The following RARB variants were observed in gnomAD, a reference collection of about 807,000 sequenced individuals.
RARB encodes the protein HBV-activated protein.
Under a neutral mutation model 51.9 loss-of-function variants are expected in RARB, and 17 were observed. The observed-to-expected ratio is 0.33, with a 90% CI of 0.22 to 0.49. The LOEUF (loss-of-function observed/expected upper bound fraction) is 0.49, where lower values mean the gene tolerates loss of function less well. RARB is among the 20% of genes least tolerant of loss of function. RARB has a pLI of 0.99. For synonymous variants in RARB, 215 were observed against 195.4 expected, an observed-to-expected ratio of 1.10 and a Z score of -0.84; for missense variants, 369 against 550.8, an observed-to-expected ratio of 0.67 and a Z score of 3.30.
chr3:25,183,686 T>A (rs952067116), intron 5 of RARB, among the ~76,000 whole-genome samples: 1 of 152,170 alleles, frequency 6.6e-6, no homozygotes, highest in Admixed American at 6.5e-5. Context: ...TCTTTAGGAT[T>A]TGTATACTAT....
At chr3:25,272,511 C>G (rs1703278684) in intron 5 of RARB, among the ~76,000 whole-genome samples, 1 of 152,228 alleles carries the variant, frequency 6.6e-6, no homozygotes, top group Admixed American at 6.5e-5. Flanking sequence ...GTTCCTACAT[C>G]ACTCAGGTAT....
At chr3:25,175,629 G>C (rs1434533591) in intron 5 of RARB, among the ~76,000 whole-genome samples, 2 of 152,206 alleles carry the variant, frequency 1.3e-5, no homozygotes, top group African/African-American at 4.8e-5. Context: ...TAGGGGATGG[G>C]TGTTTGGATG....
chr3:25,193,405 G>A (rs1344496915), intron 5 of RARB, among the ~76,000 whole-genome samples: 1 of 151,964 alleles, frequency 6.6e-6, no homozygotes, highest in Non-Finnish European at 1.5e-5. Flanking sequence ...TAAAAAGATA[G>A]GAACATTAAA....
rs973257725 is a variant in RARB at position 25,593,770 on chromosome 3, TG to T, written c.991+64del. The T allele has an allele frequency of 6.0e-6, 9 of 1,506,894 alleles. No homozygotes were observed. The African/African-American group carries it at 1.1e-4, about 19-fold the overall frequency. 93.3% of individuals were successfully genotyped at this position (1,506,894 alleles called of 1,614,324 possible). On this transcript the variant is annotated intron_variant, in intron 6 of 7. Coordinates refer to ENST00000330688, the MANE Select transcript of RARB (RefSeq NM_000965.5). ...AAGAACAGTTTATACTTGTAATTTG[TG>T]AAAAATTCCTCATTTCCCTTTTGGA...
intron 5 of RARB, among the ~76,000 whole-genome samples, chr3:25,342,748 T>C (rs148348502): frequency 1.6e-3 from 241 of 152,292 alleles, no homozygotes; most frequent in African/African-American, 5.6e-3. Flanking sequence ...TGGTAGCTAA[T>C]CTTTTTTTCA....
chr3:24,904,692 A>T (rs1321288649), intron 2 of RARB, among the ~76,000 whole-genome samples: 1 of 152,202 alleles, frequency 6.6e-6, no homozygotes, highest in African/African-American at 2.4e-5. Context: ...AAATCATTCT[A>T]CTATGAAGAC....
chr3:24,912,283 C>T (rs565631401), intron 2 of RARB, among the ~76,000 whole-genome samples: 27 of 152,182 alleles, frequency 1.8e-4, no homozygotes, highest in African/African-American at 6.0e-4. Flanking sequence ...TATCTGATCT[C>T]GGGTAAGTTA....
At chr3:25,302,353 A>G (rs1374335579) in intron 5 of RARB, among the ~76,000 whole-genome samples, 1 of 152,254 alleles carries the variant, frequency 6.6e-6, no homozygotes, top group Non-Finnish European at 1.5e-5. Context: ...TCATGATTGT[A>G]AATAACCCAA....
chr3:24,971,543 T>G (rs1373263709), intron 2 of RARB, among the ~76,000 whole-genome samples: 1 of 152,070 alleles, frequency 6.6e-6, no homozygotes. Context: ...TCTACATTTT[T>G]AAAGCTTACT....
At chr3:25,204,464 G>A (rs1701478665) in intron 5 of RARB, among the ~76,000 whole-genome samples, 1 of 152,194 alleles carries the variant, frequency 6.6e-6, no homozygotes, top group South Asian at 2.1e-4. Context: ...TCCATTGCTG[G>A]TGAGGAGCTG....
intron 2 of RARB, among the ~76,000 whole-genome samples, chr3:25,042,849 C>T (rs539711651): frequency 6.6e-6 from 1 of 152,286 alleles, no homozygotes; most frequent in Non-Finnish European, 1.5e-5. Flanking sequence ...ACCAATATAT[C>T]CCCATTTCCT....
intron 2 of RARB, among the ~76,000 whole-genome samples, chr3:25,046,319 C>G (rs1698212689): frequency 6.6e-6 from 1 of 152,158 alleles, no homozygotes; most frequent in South Asian, 2.1e-4. Context: ...AAGTTATTCC[C>G]TAAGTGAATA....
At chr3:24,936,393 A>G (rs13070123) in intron 2 of RARB, among the ~76,000 whole-genome samples, 24,397 of 152,154 alleles carry the variant, frequency 0.16, 2,209 homozygotes, top group Non-Finnish European at 0.21. Context: ...TCAACCTCAG[A>G]TAATCTCAGT....
chr3:25,092,869 G>A (rs1056967386), intron 3 of RARB, among the ~76,000 whole-genome samples: 23 of 152,236 alleles, frequency 1.5e-4, no homozygotes, highest in Admixed American at 4.6e-4. Context: ...AGTCTCTCAT[G>A]TTCATTTAGG....
chr3:24,960,631 T>G (rs1322774146), intron 2 of RARB, among the ~76,000 whole-genome samples: 3 of 152,222 alleles, frequency 2.0e-5, no homozygotes, highest in Admixed American at 1.3e-4. Flanking sequence ...ATCTATTCCT[T>G]CTGATTAAAA....
intron 2 of RARB, among the ~76,000 whole-genome samples, chr3:24,953,769 C>T (rs1229459271): frequency 6.6e-6 from 1 of 152,134 alleles, no homozygotes; most frequent in Admixed American, 6.5e-5. Context: ...TATACGTTCC[C>T]CTACTCTTCC....
At chr3:25,477,555 C>T (rs1446732080) in intron 2 of RARB, among the ~76,000 whole-genome samples, 1 of 152,204 alleles carries the variant, frequency 6.6e-6, no homozygotes, top group African/African-American at 2.4e-5. Flanking sequence ...ATAATTACTA[C>T]AAGTACTTGC....
intron 5 of RARB, among the ~76,000 whole-genome samples, chr3:25,583,052 G>A (rs1010669317): frequency 6.6e-6 from 1 of 152,152 alleles, no homozygotes; most frequent in South Asian, 2.1e-4. Flanking sequence ...TGGGCCATGG[G>A]GGTGAGGAGT....
chr3:25,101,269 C>T (rs1315657533), intron 3 of RARB, among the ~76,000 whole-genome samples: 1 of 151,996 alleles, frequency 6.6e-6, no homozygotes, highest in East Asian at 1.9e-4. Context: ...GTGAGAATTC[C>T]ACAAACTTAC....
Sources: gnomAD v4.1 joint callset for allele counts (sites outside exome capture counted in the v4.1 genomes callset) on GRCh38, gnomAD v4.1.1 for gene constraint, MANE v1.5 for transcripts, NCBI Gene and HGNC (gene_info 2026-07-23, HGNC 2026-07-21) for gene names.